Variants in ZFHX4 observed in about 807,000 individuals in gnomAD.
ZFHX4 encodes the protein zinc finger homeobox protein 4.
A neutral mutation model predicts 267.6 loss-of-function variants in ZFHX4; 56 were observed. The observed-to-expected ratio is 0.21, with a 90% CI of 0.17 to 0.26. ZFHX4 has a LOEUF of 0.26. ZFHX4 is among the 10% of genes least tolerant of loss of function. ZFHX4 has a pLI of 1.00. For missense variants in ZFHX4, 4,332 were observed against 4,420.0 expected, an observed-to-expected ratio of 0.98 and a Z score of 0.56; for synonymous variants, 1,778 against 1,665.6, an observed-to-expected ratio of 1.07 and a Z score of -1.64.
At chr8:76,743,427 C>T (rs561790621) in intron 3 of ZFHX4, among the ~76,000 whole-genome samples, 5 of 152,292 alleles carry the variant, frequency 3.3e-5, no homozygotes, top group South Asian at 2.1e-4. Flanking sequence ...CATGAACATG[C>T]GTGCCACCCA....
chr8:76,749,734 C>T (rs776160612), intron 3 of ZFHX4, among the ~76,000 whole-genome samples: 3 of 151,910 alleles, frequency 2.0e-5, no homozygotes, highest in Non-Finnish European at 2.9e-5. Context: ...TAATTTTTAC[C>T]CAATACATGT....
intron 3 of ZFHX4, among the ~76,000 whole-genome samples, chr8:76,760,755 T>C (rs933370228): frequency 1.3e-5 from 2 of 151,468 alleles, no homozygotes; most frequent in Non-Finnish European, 2.9e-5. Context: ...TAAGGAGATC[T>C]CTTCTCTACA....
At chr8:76,783,095 A>T (rs1321417442) in intron 4 of ZFHX4, among the ~76,000 whole-genome samples, 1 of 152,022 alleles carries the variant, frequency 6.6e-6, no homozygotes, top group Non-Finnish European at 1.5e-5. Context: ...TCATGGTTGC[A>T]ATTTTGTCAT....
At position 76,864,564 on chromosome 8, in the gene ZFHX4, A is replaced by G; in HGVS notation, c.10850A>G (p.Ter3617TrpextTer2). 2 of 1,539,252 alleles carry G rather than the reference A, an allele frequency of 1.3e-6. No homozygotes were observed. Among genetic ancestry groups the G allele is most frequent in the South Asian group, 1.3e-5 (1 of 79,312 alleles). Residue 3617 changes from the stop codon to tryptophan (W), a stop_lost, in exon 11 of 11, where the codon TAG becomes TGG. Coordinates refer to ENST00000651372, the MANE Select transcript of ZFHX4 (RefSeq NM_024721.5). Reference protein sequence around the residue: ...NSIRMDMFSV* With the variant: ...NSIRMDMFSVW ...ATCCGAATGGATATGTTCAGTGTGTAGGAGTGAAGACAGGATCCCGTGCTT... is the reference window on the plus strand; with the variant it reads ...ATCCGAATGGATATGTTCAGTGTGTGGGAGTGAAGACAGGATCCCGTGCTT...
intron 3 of ZFHX4, among the ~76,000 whole-genome samples, chr8:76,726,987 A>G (rs1345092536): frequency 6.6e-6 from 1 of 152,150 alleles, no homozygotes; most frequent in African/African-American, 2.4e-5. Flanking sequence ...TAGCGTCATG[A>G]TGCTTCTGAT....
chr8:76,778,267 G>C lies in ZFHX4; in HGVS notation c.3153G>C (p.Val1051=). ...AATCCTGCTATTACTACTGTGCCGTGTGTGATTACACCACCAAGGTCAAGT... is the reference window on the plus strand; with the variant it reads ...AATCCTGCTATTACTACTGTGCCGTCTGTGATTACACCACCAAGGTCAAGT... ...NPESCYYYCA[V]CDYTTKVKLN... The change falls in exon 4 of 11, where the codon GTG becomes GTC. Residue 1051 remains valine (V), a synonymous_variant. Transcript: ENST00000651372. 1 of 1,613,824 alleles carries C rather than the reference G, an allele frequency of 6.2e-7. No homozygotes were observed. The highest frequency in any genetic ancestry group is 1.3e-5 in the African/African-American group (1 of 75,002).
intron 10 of ZFHX4, 62 bp from the exon 11 acceptor site, chr8:76,863,032 A>G: frequency 6.9e-7 from 1 of 1,452,710 alleles, no homozygotes; most frequent in Middle Eastern, 1.9e-4. Flanking sequence ...GGTGTTAAGC[A>G]TACAGCCTTC....
intron 4 of ZFHX4, among the ~76,000 whole-genome samples, chr8:76,831,830 C>T (rs922048417): frequency 6.6e-6 from 1 of 152,032 alleles, no homozygotes; most frequent in Non-Finnish European, 1.5e-5. Context: ...CCACGTTAAT[C>T]AAGGCATAAC....
chr8:76,774,797 G>A (rs1810362533), intron 3 of ZFHX4, among the ~76,000 whole-genome samples: 1 of 151,992 alleles, frequency 6.6e-6, no homozygotes, highest in Non-Finnish European at 1.5e-5. Flanking sequence ...GATTTTTAAA[G>A]ATTTTTAGTG....
intron 3 of ZFHX4, among the ~76,000 whole-genome samples, chr8:76,749,692 G>T (rs902889284): frequency 6.6e-6 from 1 of 152,116 alleles, no homozygotes; most frequent in Admixed American, 6.6e-5. Context: ...AAAATGAAAT[G>T]AATAAAACAC....
At chr8:76,839,254 T>C (rs1812174034) in intron 5 of ZFHX4, among the ~76,000 whole-genome samples, 1 of 152,204 alleles carries the variant, frequency 6.6e-6, no homozygotes, top group Admixed American at 6.5e-5. Flanking sequence ...TCTAAGCTAG[T>C]CATTCAAAAA....
Position 76,863,477 on chromosome 8 carries a change from G to A in ZFHX4, c.9763G>A (p.Ala3255Thr), listed in dbSNP as rs779843359. ...ACAGAATGCAATTGCTGGTGACCCAGCTTCCTTTATAGGCGGACAGTTCTT... is the reference window on the plus strand; with the variant it reads ...ACAGAATGCAATTGCTGGTGACCCAACTTCCTTTATAGGCGGACAGTTCTT... ...ALQNAIAGDP[A>T]SFIGGQFLPY... The change falls in exon 11 of 11, where the codon GCT becomes ACT. Residue 3255 changes from alanine (A) to threonine (T), a missense_variant. Physicochemically the swap from Ala to Thr is moderately conservative, Grantham distance 58. Around this residue, in one of 7 missense-constraint regions of ZFHX4, gnomAD observed 1,648 missense variants for 1,625.0 expected, o/e 1.01. Coordinates refer to ENST00000651372, the MANE Select transcript of ZFHX4 (RefSeq NM_024721.5). 6.8e-6 allele frequency: 11 copies of A among 1,613,538 alleles called. No homozygotes were observed. The highest frequency in any genetic ancestry group is 8.5e-7 in the Non-Finnish European group (1 of 1,179,794).
chr8:76,713,321 TAGAC>T (rs1029338887), intron 3 of ZFHX4, among the ~76,000 whole-genome samples: 1 of 137,084 alleles, frequency 7.3e-6, no homozygotes, highest in African/African-American at 2.9e-5. Flanking sequence ...AGATAGATGA[TAGAC>T]AGATAGATAG....
Position 76,826,074 on chromosome 8 carries a change from G to T in ZFHX4, c.3326-7264G>T, listed in dbSNP as rs1008266428. 3.9e-5 allele frequency among the ~76,000 whole-genome samples: 6 copies of T among 152,186 alleles called. 1 individual carries two copies. Among genetic ancestry groups the T allele is most frequent in the African/African-American group, 2.4e-5 (1 of 41,446 alleles). ...TGGTTCTGTAGGCTGTATAAGCATT[G>T]CACCAGTATCTGCTCTTGGTGATGG... On this transcript the variant is annotated intron_variant, in intron 4 of 10. Coordinates refer to ENST00000651372, the MANE Select transcript of ZFHX4 (RefSeq NM_024721.5).
chr8:76,688,767 T>C (rs1002898038), intron 1 of ZFHX4, among the ~76,000 whole-genome samples: 4 of 152,144 alleles, frequency 2.6e-5, no homozygotes, highest in Non-Finnish European at 5.9e-5. Context: ...AAACAAGCTC[T>C]TTCTGGTTTG....
chr8:76,786,348 A>G (rs1357329939), intron 4 of ZFHX4, among the ~76,000 whole-genome samples: 2 of 149,022 alleles, frequency 1.3e-5, no homozygotes, highest in Non-Finnish European at 3.0e-5. Context: ...ACTACTAACA[A>G]CGTATGGAAT....
At position 76,706,463 on chromosome 8, in the gene ZFHX4, T is replaced by C. The variant is rs758705006; in HGVS notation, c.2375T>C (p.Met792Thr). The change falls in exon 2 of 11, where the codon ATG becomes ACG. Residue 792 changes from methionine (M) to threonine (T), a missense_variant. Around this residue, in one of 7 missense-constraint regions of ZFHX4, gnomAD observed 1,195 missense variants for 1,173.6 expected, o/e 1.02. Coordinates refer to ENST00000651372, the MANE Select transcript of ZFHX4 (RefSeq NM_024721.5). ...LRIHMTSEKH[M>T]HNMMLLQQNM... ...ATTCATATGACCAGCGAAAAGCACATGCATAATATGATGCTTTTGCAGCAG... is the reference window on the plus strand; with the variant it reads ...ATTCATATGACCAGCGAAAAGCACACGCATAATATGATGCTTTTGCAGCAG... 3 of 1,614,108 alleles carry C rather than the reference T, an allele frequency of 1.9e-6. No individual in the cohort carries two copies. The highest frequency in any genetic ancestry group is 1.7e-6 in the Non-Finnish European group (2 of 1,179,984).
chr8:76,831,130 A>G (rs1811922164), intron 4 of ZFHX4, among the ~76,000 whole-genome samples: 1 of 152,246 alleles, frequency 6.6e-6, no homozygotes, highest in South Asian at 2.1e-4. Flanking sequence ...TGTGAGGATT[A>G]CACGATGGTT....
intron 3 of ZFHX4, among the ~76,000 whole-genome samples, chr8:76,764,079 CTT>C (rs1195057630): frequency 1.3e-5 from 2 of 152,160 alleles, no homozygotes; most frequent in African/African-American, 2.4e-5. Context: ...GGGGTCCTCT[CTT>C]AGCATTGGTC....
Sources: gnomAD v4.1 joint callset for allele counts (sites outside exome capture counted in the v4.1 genomes callset) on GRCh38, gnomAD v4.1.1 for gene constraint, gnomAD v4.1.1 regional missense constraint, MANE v1.5 for transcripts, NCBI Gene and HGNC (gene_info 2026-07-23, HGNC 2026-07-21) for gene names.